The following SMAD9 variants were observed in gnomAD, a reference collection of about 807,000 sequenced individuals.
SMAD9 encodes the protein MAD homolog 9.
Under a neutral mutation model 46.1 loss-of-function variants are expected in SMAD9, and 36 were observed. The observed-to-expected ratio is 0.78, with a 90% CI of 0.60 to 1.03. SMAD9 has a LOEUF of 1.03. SMAD9 is among the 50% of genes least tolerant of loss of function. SMAD9 has a pLI of 0.00. For synonymous variants in SMAD9, 245 were observed against 237.1 expected (o/e 1.03, Z -0.31); for missense variants, 572 against 599.8 (o/e 0.95, Z 0.48).
intron 2 of SMAD9, among the ~76,000 whole-genome samples, chr13:36,873,275 C>A (rs898867218): frequency 6.6e-6 from 1 of 152,164 alleles, no homozygotes; most frequent in Non-Finnish European, 1.5e-5. Flanking sequence ...TAATACCTGG[C>A]CTTCTGGCAA....
intron 2 of SMAD9, among the ~76,000 whole-genome samples, chr13:36,874,582 G>A (rs2058327321): frequency 1.3e-5 from 2 of 152,144 alleles, no homozygotes; most frequent in South Asian, 2.1e-4. Flanking sequence ...GTGAGGCTGG[G>A]CATGGTGGCT....
chr13:36,871,633 G>C (rs7993661), intron 3 of SMAD9, among the ~76,000 whole-genome samples: 62,274 of 152,152 alleles, frequency 0.41, 15,057 homozygotes, highest in Non-Finnish European at 0.53. Flanking sequence ...ATAGAAAAAA[G>C]AAGGCTCGCT....
intron 1 of SMAD9, among the ~76,000 whole-genome samples, chr13:36,895,190 C>G (rs990943102): frequency 6.6e-6 from 1 of 152,182 alleles, no homozygotes; most frequent in Non-Finnish European, 1.5e-5. Flanking sequence ...TCCCAAATTT[C>G]TATACCCATA....
chr13:36,851,168 G>A (rs1046511163), intron 6 of SMAD9, among the ~76,000 whole-genome samples: 9 of 152,168 alleles, frequency 5.9e-5, no homozygotes, highest in Admixed American at 3.3e-4. Context: ...TACAGTCACC[G>A]CTGAACTCGT....
intron 3 of SMAD9, among the ~76,000 whole-genome samples, chr13:36,871,216 CAT>C (rs1425418888): frequency 1.3e-5 from 2 of 152,288 alleles, no homozygotes; most frequent in East Asian, 3.9e-4. Flanking sequence ...GCTCCATGTC[CAT>C]GTTCTAATGC....
At chr13:36,883,954 G>A (rs2058424736) in intron 1 of SMAD9, among the ~76,000 whole-genome samples, 1 of 152,152 alleles carries the variant, frequency 6.6e-6, no homozygotes, top group Admixed American at 6.5e-5. Context: ...ACAAGGCTCA[G>A]TCTCCAGGGA....
At chr13:36,878,181 C>T (rs200426142) in intron 2 of SMAD9, among the ~76,000 whole-genome samples, 6,585 of 152,082 alleles carry the variant, frequency 0.043, 340 homozygotes, top group East Asian at 0.18. Flanking sequence ...TACATACACA[C>T]ACACACACAC....
chr13:36,915,455 T>C (rs371959652), intron 1 of SMAD9, among the ~76,000 whole-genome samples: 1 of 152,164 alleles, frequency 6.6e-6, no homozygotes, highest in African/African-American at 2.4e-5. Context: ...AGTGATCAGA[T>C]ATTAAGTATT....
chr13:36,909,304 T>A (rs1282608963), intron 1 of SMAD9, among the ~76,000 whole-genome samples: 1 of 152,174 alleles, frequency 6.6e-6, no homozygotes, highest in Non-Finnish European at 1.5e-5. Context: ...TTTGGGTCAC[T>A]TAAGGTAGGT....
intron 6 of SMAD9, chr13:36,851,779 C>G (rs746572186): frequency 4.1e-6 from 4 of 972,022 alleles, no homozygotes; most frequent in Non-Finnish European, 4.9e-6. Flanking sequence ...TTTAAAAGTT[C>G]CTGCAGTATT....
chr13:36,852,540 A>T, intron 6 of SMAD9: 1 of 984,698 alleles, frequency 1.0e-6, no homozygotes, highest in East Asian at 1.1e-4. Context: ...CGATATGAGA[A>T]ATTCAACAAA....
intron 2 of SMAD9, among the ~76,000 whole-genome samples, chr13:36,873,171 A>C (rs571148819): frequency 6.6e-6 from 1 of 152,160 alleles, no homozygotes; most frequent in Non-Finnish European, 1.5e-5. Context: ...GAATGTCATA[A>C]TTCACAAAAG....
Position 36,872,810 on chromosome 13 carries a change from T to C in SMAD9, c.518A>G (p.His173Arg). ...GAAAGAGTCAGGATAGGTGGCGTTG[T>C]GTGGCATGAGTGGCTCACTGTGCAG... ...ASLHSEPLMP[H>R]NATYPDSFQQ... is the part of the protein sequence containing the mutation. Residue 173 changes from histidine to arginine, a missense_variant, in exon 3 of 7, where the codon CAC becomes CGC. By Grantham distance (29) the His-to-Arg change is conservative (BLOSUM62 0). Transcript: ENST00000379826. The C allele has an allele frequency of 3.1e-6, 5 of 1,614,050 alleles. No homozygotes were observed. Among genetic ancestry groups the C allele is most frequent in the Non-Finnish European group, 3.4e-6 (4 of 1,180,020 alleles).
intron 5 of SMAD9, among the ~76,000 whole-genome samples, chr13:36,854,169 A>C (rs1260434390): frequency 6.6e-6 from 1 of 152,102 alleles, no homozygotes; most frequent in Non-Finnish European, 1.5e-5. Flanking sequence ...AAAAAAATAA[A>C]TAAATAAAAA....
At chr13:36,898,898 T>C (rs552084846) in intron 1 of SMAD9, among the ~76,000 whole-genome samples, 2 of 152,170 alleles carry the variant, frequency 1.3e-5, no homozygotes, top group Non-Finnish European at 2.9e-5. Flanking sequence ...TTCATGATTG[T>C]ATGGATGTCC....
Position 36,844,963 on chromosome 13 carries a change from ATC to A in SMAD9, c.*3711_*3712del, listed in dbSNP as rs1045634196. The A allele has an allele frequency of 6.6e-6, 1 of 152,208 alleles. No individual in the cohort carries two copies. The highest frequency in any genetic ancestry group is 2.4e-5 in the African/African-American group (1 of 41,460). 9.4% of individuals were successfully genotyped at this position (152,208 alleles called of 1,614,324 possible). A position where few individuals can be genotyped will look rare whatever the true frequency, so the allele number is the denominator to read the frequency against. ...ATAGACAGTTTCTTTGTTGTTGTTA[ATC>A]TGTTTTACATTAATTTGAATTTAAC... is the stretch of plus-strand genomic sequence containing the variant. On this transcript the variant is annotated 3_prime_UTR_variant, in exon 7 of 7. Coordinates refer to ENST00000379826, the MANE Select transcript of SMAD9 (RefSeq NM_001127217.3).
chr13:36,864,326 C>T (rs560623989), intron 5 of SMAD9, among the ~76,000 whole-genome samples: 15 of 152,244 alleles, frequency 9.9e-5, no homozygotes, highest in African/African-American at 3.1e-4. Flanking sequence ...GTGTCAGAGA[C>T]GTTTGAACCA....
intron 1 of SMAD9, among the ~76,000 whole-genome samples, chr13:36,892,697 G>A (rs1240108215): frequency 6.6e-6 from 1 of 152,202 alleles, no homozygotes; most frequent in East Asian, 1.9e-4. Flanking sequence ...TAACTTATCA[G>A]TGATGCTTAA....
rs683296 is a variant in SMAD9, at chr13:36,848,280, T to C, written c.*396A>G. The C allele has an allele frequency of 0.057, 11,593 of 201,684 alleles. 721 individuals are homozygous for C. The highest frequency in any genetic ancestry group is 0.16 in the African/African-American group (6,701 of 42,776). 12.5% of individuals were successfully genotyped at this position (201,684 alleles called of 1,614,324 possible). A position where few individuals can be genotyped will look rare whatever the true frequency, so the allele number is the denominator to read the frequency against. The stretch of plus-strand genomic sequence containing the variant: ...TTGTTTCATCTGAGTGATATTTGCT[T>C]TAGTGCTGCTAATACCTGACTTTTG... On this transcript the variant is annotated 3_prime_UTR_variant, in exon 7 of 7. Coordinates refer to ENST00000379826, the MANE Select transcript of SMAD9 (RefSeq NM_001127217.3).
Sources: allele counts gnomAD v4.1 joint callset (sites outside exome capture counted in the v4.1 genomes callset), GRCh38; gene constraint gnomAD v4.1.1; transcripts MANE v1.5; gene names NCBI Gene and HGNC (gene_info 2026-07-23, HGNC 2026-07-21).